The following PCDHA3 variants were observed in gnomAD, a reference collection of about 807,000 sequenced individuals.
PCDHA3 encodes the protein protocadherin alpha-3.
PCDHA3 carries 41 observed loss-of-function variants against 62.2 expected under a neutral mutation model. The observed-to-expected ratio is 0.66, with a 90% CI of 0.51 to 0.86. The LOEUF is 0.86. PCDHA3 is among the 40% of genes least tolerant of loss of function. PCDHA3 has a pLI of 0.00. For synonymous variants in PCDHA3, 640 were observed against 555.4 expected (o/e 1.15, Z -2.14); for missense variants, 1,304 against 1,241.2 (o/e 1.05, Z -0.76).
chr5:141,003,001 C>T (rs1403843420), intron 3 of PCDHA3, among the ~76,000 whole-genome samples: 3 of 152,182 alleles, frequency 2.0e-5, no homozygotes, highest in Admixed American at 1.3e-4. Flanking sequence ...AGTTTATGTT[C>T]TATTAGGGAA....
At chr5:140,996,389 A>G (rs543903221) in intron 3 of PCDHA3, among the ~76,000 whole-genome samples, 3 of 152,328 alleles carry the variant, frequency 2.0e-5, no homozygotes, top group Admixed American at 1.3e-4. Context: ...ATAATGCCTC[A>G]TAGAGTTTCA....
intron 1 of PCDHA3, among the ~76,000 whole-genome samples, chr5:140,887,409 T>C (rs1203976948): frequency 6.6e-6 from 1 of 152,184 alleles, no homozygotes; most frequent in African/African-American, 2.4e-5. Context: ...TATCTCATTT[T>C]TATTTTTGAA....
At chr5:140,839,172 A>T (rs1216545013) in intron 1 of PCDHA3, among the ~76,000 whole-genome samples, 5 of 150,756 alleles carry the variant, frequency 3.3e-5, no homozygotes, top group African/African-American at 7.4e-5. Context: ...AAAGATATTC[A>T]GTTTTGTGGA....
chr5:140,867,395 T>C (rs1319055963), intron 1 of PCDHA3: 1 of 152,176 alleles, frequency 6.6e-6, no homozygotes, highest in Admixed American at 6.5e-5. Context: ...TTATAAAAGT[T>C]GATATGTCTC....
chr5:140,833,591 A>G (rs1562331795), intron 1 of PCDHA3, among the ~76,000 whole-genome samples: 1 of 152,352 alleles, frequency 6.6e-6, no homozygotes, highest in East Asian at 1.9e-4. Context: ...AACAGTATAT[A>G]TAGATTCTGC....
chr5:140,935,051 C>T (rs1554210307), intron 1 of PCDHA3, among the ~76,000 whole-genome samples: 1 of 152,096 alleles, frequency 6.6e-6, no homozygotes, highest in African/African-American at 2.4e-5. Context: ...TCTGGTATTA[C>T]AAGATGTTCA....
chr5:140,809,473 G>C lies in PCDHA3; in HGVS notation c.2394+5882G>C, dbSNP rs1223238346. The C allele has an allele frequency of 3.1e-6, 5 of 1,614,142 alleles. No homozygotes were observed. In the African/African-American group the frequency reaches 5.3e-5, roughly 17 times the overall value. ...GGAGGCCGAGGGTGTGCTCTGGTGA[G>C]GGCCCACCCAAGACCGACCTCATGG... On this transcript the variant is annotated intron_variant, in intron 1 of 3. Coordinates refer to ENST00000522353, the MANE Select transcript of PCDHA3 (RefSeq NM_018906.3).
intron 1 of PCDHA3, among the ~76,000 whole-genome samples, chr5:140,948,446 G>A (rs1445406552): frequency 6.6e-6 from 1 of 151,446 alleles, no homozygotes; most frequent in Non-Finnish European, 1.5e-5. Flanking sequence ...CTGTGCCAGG[G>A]ATTTTCTTTT....
chr5:140,805,334 TG>T (rs1360403041), intron 1 of PCDHA3: 49 of 1,235,068 alleles, frequency 4.0e-5, no homozygotes, highest in Non-Finnish European at 4.7e-5. Flanking sequence ...TTGATGTCAA[TG>T]ATCATTTTGT....
chr5:140,847,032 A>C (rs1780821706), intron 1 of PCDHA3, among the ~76,000 whole-genome samples: 1 of 149,836 alleles, frequency 6.7e-6, no homozygotes. Context: ...GAAAGAGAAA[A>C]CATAAGGAAA....
intron 1 of PCDHA3, chr5:140,871,329 C>A (rs1164407502): frequency 6.2e-7 from 1 of 1,613,942 alleles, no homozygotes; most frequent in African/African-American, 1.3e-5. Flanking sequence ...TGTGCTCCCG[C>A]GCGGTGGGGA....
chr5:140,954,411 G>A (rs246022), intron 1 of PCDHA3, among the ~76,000 whole-genome samples: 85,294 of 151,642 alleles, frequency 0.56, 24,563 homozygotes, highest in African/African-American at 0.69. Flanking sequence ...ACAGGGTAAA[G>A]GTGTTCCTTT....
chr5:140,944,410 C>G (rs1339076109), intron 1 of PCDHA3, among the ~76,000 whole-genome samples: 1 of 152,272 alleles, frequency 6.6e-6, no homozygotes, highest in Middle Eastern at 3.4e-3. Flanking sequence ...TGGTCTCGAA[C>G]TCCTGATCTG....
intron 1 of PCDHA3, chr5:140,928,279 TCTCTAGGC>T: frequency 6.2e-7 from 1 of 1,614,144 alleles, no homozygotes; most frequent in Non-Finnish European, 8.5e-7. Flanking sequence ...CCCTGGGGCC[TCTCTAGGC>T]CGAGTGTTTG....
intron 1 of PCDHA3, chr5:140,967,329 G>A: frequency 6.2e-7 from 1 of 1,608,212 alleles, no homozygotes; most frequent in Non-Finnish European, 8.5e-7. Flanking sequence ...TACGAGCTCA[G>A]CCCCAGCGAG....
intron 1 of PCDHA3, chr5:140,877,683 C>T: frequency 6.2e-7 from 1 of 1,613,716 alleles, no homozygotes. Flanking sequence ...CGGGCAAGCC[C>T]ACGCTGGTGT....
At chr5:140,967,803 C>T (rs1042188546) in intron 1 of PCDHA3, 3 of 1,614,066 alleles carry the variant, frequency 1.9e-6, no homozygotes, top group Admixed American at 3.3e-5. Flanking sequence ...GTGCCCATGG[C>T]AGGTCACTGC....
In PCDHA3 at chr5:140,929,209, G is replaced by A. The variant is rs553616030; in HGVS notation, c.2395-49740G>A. Reference sequence around the variant, plus strand: ...TGATAATAACAGTTTGCTGTTGCGTGGGGAGTACAATGCTGCCGACCTGCG... The same window carrying A: ...TGATAATAACAGTTTGCTGTTGCGTAGGGAGTACAATGCTGCCGACCTGCG... On this transcript the variant is annotated intron_variant, in intron 1 of 3. Transcript: ENST00000522353. 71 of 1,614,054 alleles carry A rather than the reference G, an allele frequency of 4.4e-5. 2 individuals carry two copies. The South Asian group carries it at 7.1e-4, about 16-fold the overall frequency.
intron 1 of PCDHA3, among the ~76,000 whole-genome samples, chr5:140,972,284 T>A (rs113618936): frequency 3.6e-4 from 55 of 150,874 alleles, no homozygotes; most frequent in African/African-American, 1.3e-3. Context: ...GGACCATAGA[T>A]GTGCGCCACC....
Sources: allele counts gnomAD v4.1 joint callset (sites outside exome capture counted in the v4.1 genomes callset), GRCh38; gene constraint gnomAD v4.1.1; transcripts MANE v1.5; gene names NCBI Gene and HGNC (gene_info 2026-07-23, HGNC 2026-07-21).